The following TAFA1 variants were observed in gnomAD, a reference collection of about 807,000 sequenced individuals.
TAFA1 encodes the protein chemokine-like protein TAFA-1.
TAFA1 carries 4 observed loss-of-function variants against 18.5 expected under a neutral mutation model. The observed-to-expected ratio is 0.22, with a 90% CI of 0.11 to 0.49. TAFA1 has a LOEUF of 0.49. Ranked by LOEUF, TAFA1 falls within the 20% of genes least tolerant of loss-of-function variation. The pLI is 0.98. For missense variants in TAFA1, 147 were observed against 169.0 expected (o/e 0.87, Z 0.72); for synonymous variants, 56 against 55.2 (o/e 1.01, Z -0.06).
At chr3:68,213,265 G>T (rs991887635) in intron 2 of TAFA1, among the ~76,000 whole-genome samples, 2 of 152,066 alleles carry the variant, frequency 1.3e-5, no homozygotes, top group African/African-American at 4.8e-5. Context: ...AACTTTAAAA[G>T]GGAAAAATCA....
chr3:68,129,952 T>C (rs935602227), intron 2 of TAFA1, among the ~76,000 whole-genome samples: 3 of 152,234 alleles, frequency 2.0e-5, no homozygotes, highest in Admixed American at 1.3e-4. Context: ...TCCTGCAATG[T>C]AGAAGCCTAT....
At chr3:68,190,210 A>G (rs1057243192) in intron 2 of TAFA1, among the ~76,000 whole-genome samples, 33 of 151,830 alleles carry the variant, frequency 2.2e-4, no homozygotes, top group African/African-American at 7.7e-4. Flanking sequence ...TTTTATGTCT[A>G]CATTACCCTG....
chr3:68,537,482 TAGCA>T (rs541211527), intron 3 of TAFA1, among the ~76,000 whole-genome samples: 131 of 152,272 alleles, frequency 8.6e-4, no homozygotes, highest in African/African-American at 2.9e-3. Flanking sequence ...GAGGCCTGGC[TAGCA>T]ACGTTGGTCT....
intron 2 of TAFA1, among the ~76,000 whole-genome samples, chr3:68,195,113 T>C (rs551645112): frequency 3.3e-5 from 5 of 151,692 alleles, no homozygotes; most frequent in East Asian, 3.9e-4. Context: ...GTTGTGACTA[T>C]AGCCTTAAAT....
At chr3:68,397,296 T>C (rs991640826) in intron 2 of TAFA1, among the ~76,000 whole-genome samples, 1 of 152,154 alleles carries the variant, frequency 6.6e-6, no homozygotes, top group African/African-American at 2.4e-5. Flanking sequence ...TTTGTCCTAA[T>C]GCTGTCCCTC....
chr3:68,312,517 T>C (rs1186838510), intron 2 of TAFA1, among the ~76,000 whole-genome samples: 1 of 152,178 alleles, frequency 6.6e-6, no homozygotes, highest in Non-Finnish European at 1.5e-5. Flanking sequence ...AATCTCTAGC[T>C]CAGGGACAAA....
At chr3:68,438,472 G>T (rs2071305080) in intron 3 of TAFA1, among the ~76,000 whole-genome samples, 1 of 152,142 alleles carries the variant, frequency 6.6e-6, no homozygotes, top group Admixed American at 6.5e-5. Flanking sequence ...CCTGTGGCTT[G>T]GCTGGACTCA....
intron 4 of TAFA1, among the ~76,000 whole-genome samples, chr3:68,543,655 G>T (rs183589837): frequency 1.3e-5 from 2 of 152,154 alleles, no homozygotes; most frequent in East Asian, 3.9e-4. Flanking sequence ...AAACTGTAAA[G>T]AAGTAAGAGA....
At chr3:68,115,602 G>C (rs1337589070) in intron 2 of TAFA1, among the ~76,000 whole-genome samples, 1 of 152,150 alleles carries the variant, frequency 6.6e-6, no homozygotes, top group Non-Finnish European at 1.5e-5. Context: ...CATTAGCTAA[G>C]GTGCTCCTTA....
At chr3:67,997,367 C>A in the TAFA1 span, among the ~76,000 whole-genome samples, 5 of 152,076 alleles carry the variant, frequency 3.3e-5, no homozygotes, top group East Asian at 9.6e-4. Flanking sequence ...AATCCAACAG[C>A]TAGTAAGAGG....
At chr3:68,131,281 C>T (rs541808466) in intron 2 of TAFA1, among the ~76,000 whole-genome samples, 1 of 152,040 alleles carries the variant, frequency 6.6e-6, no homozygotes, top group South Asian at 2.1e-4. Flanking sequence ...ACGTGTAATA[C>T]CCTCTTGCCA....
chr3:68,376,618 G>A (rs899694145), intron 2 of TAFA1, among the ~76,000 whole-genome samples: 6 of 152,168 alleles, frequency 3.9e-5, no homozygotes, highest in South Asian at 2.1e-4. Flanking sequence ...AGTATTCCAT[G>A]GGGTATATGT....
intron 3 of TAFA1, among the ~76,000 whole-genome samples, chr3:68,451,240 A>T (rs1354707266): frequency 2.0e-4 from 31 of 152,228 alleles, no homozygotes; most frequent in Non-Finnish European, 1.5e-5. Context: ...GAAAATAAAT[A>T]TTGTAAGCCT....
intron 2 of TAFA1, among the ~76,000 whole-genome samples, chr3:68,180,950 TG>T (rs1481506141): frequency 6.6e-6 from 1 of 152,250 alleles, no homozygotes; most frequent in African/African-American, 2.4e-5. Flanking sequence ...TCCATTTTGC[TG>T]GCACTCTTGG....
At chr3:68,517,058 G>T (rs751854927) in intron 3 of TAFA1, among the ~76,000 whole-genome samples, 7 of 152,140 alleles carry the variant, frequency 4.6e-5, no homozygotes, top group Non-Finnish European at 1.0e-4. Flanking sequence ...ACAGACGTGA[G>T]CCACCGCGCC....
intron 2 of TAFA1, among the ~76,000 whole-genome samples, chr3:68,248,714 G>C (rs908850701): frequency 6.8e-6 from 1 of 146,900 alleles, no homozygotes; most frequent in East Asian, 2.0e-4. Flanking sequence ...TGAGTTTTGC[G>C]GGGTGGGTGG....
At chr3:68,105,846 A>C (rs6548999) in intron 2 of TAFA1, among the ~76,000 whole-genome samples, 74,633 of 151,838 alleles carry the variant, frequency 0.49, 19,068 homozygotes, top group South Asian at 0.64. Context: ...TCCCTATGTA[A>C]ACCAGGCCTA....
chr3:68,141,460 C>T (rs752625064), intron 2 of TAFA1, among the ~76,000 whole-genome samples: 14 of 152,140 alleles, frequency 9.2e-5, no homozygotes, highest in Admixed American at 7.2e-4. Flanking sequence ...GCAGTGGATG[C>T]TTCTGTTTTT....
intron 2 of TAFA1, among the ~76,000 whole-genome samples, chr3:68,185,816 A>T (rs944181202): frequency 6.6e-6 from 1 of 151,960 alleles, no homozygotes; most frequent in Admixed American, 6.6e-5. Context: ...GGAGGCTGAG[A>T]TGGGAGGATC....
Sources: allele counts gnomAD v4.1 joint callset (sites outside exome capture counted in the v4.1 genomes callset), GRCh38; gene constraint gnomAD v4.1.1; transcripts MANE v1.5; gene names NCBI Gene and HGNC (gene_info 2026-07-23, HGNC 2026-07-21).